HGSNAT: variants seen among roughly 807,000 people sequenced by gnomAD.
The protein encoded by HGSNAT is transmembrane protein 76.
Under a neutral mutation model 85.2 loss-of-function variants are expected in HGSNAT, and 59 were observed. That is an observed-to-expected ratio of 0.69 (90% confidence interval 0.56 to 0.86). The LOEUF (loss-of-function observed/expected upper bound fraction) is 0.86. Among genes scored for constraint, HGSNAT ranks in the 40% least tolerant of loss-of-function variants. The probability of loss-of-function intolerance (pLI) is 0.00; values close to 1 mark genes in which losing one functional copy is unlikely to be tolerated. For missense variants in HGSNAT, 756 were observed against 777.1 expected (o/e 0.97, Z 0.32); for synonymous variants, 321 against 304.5 (o/e 1.05, Z -0.56).
At chr8:43,152,702 C>A (rs1482381239) in intron 2 of HGSNAT, among the ~76,000 whole-genome samples, 2 of 152,156 alleles carry the variant, frequency 1.3e-5, no homozygotes, top group African/African-American at 4.8e-5. Flanking sequence ...AGTGATTCTC[C>A]TGCCTCGGCC....
rs1803532488 is a variant in HGSNAT, at chr8:43,169,165, A to G, written c.564-8A>G. The G allele has an allele frequency of 2.0e-6, 3 of 1,517,838 alleles. No individual in the cohort carries two copies. The East Asian group carries it at 7.0e-5, about 35-fold the overall frequency. The allele number at this position is 1,517,838 out of a possible 1,614,324, so 94.0% of individuals were successfully genotyped here. On this transcript the variant is annotated splice_polypyrimidine_tract_variant and splice_region_variant and intron_variant, in intron 5 of 17. Transcript: ENST00000379644. The stretch of plus-strand genomic sequence containing the variant: ...AATAAATTAATTGAGCCCTTTATTT[A>G]TTTTCAGTTTGGATGACTTTAACAA...
Position 43,197,581 on chromosome 8 carries a change from G to C in HGSNAT, c.1543-91G>C, listed in dbSNP as rs983134801. On this transcript the variant is annotated intron_variant, in intron 15 of 17. Transcript: ENST00000379644. The stretch of plus-strand genomic sequence containing the variant: ...GCACAAGTTTCAGCCCTCTCTACGT[G>C]ATTAAATAACTAATATATATTGGTG... The C allele has an allele frequency of 1.4e-4, 131 of 916,460 alleles. 1 individual carries two copies. The highest frequency in any genetic ancestry group is 2.1e-4 in the Non-Finnish European group (118 of 565,184). 56.8% of individuals were successfully genotyped at this position (916,460 alleles called of 1,614,324 possible). A position where few individuals can be genotyped will look rare whatever the true frequency, so the allele number is the denominator to read the frequency against.
At chr8:43,145,303 CA>C (rs941668587) in intron 1 of HGSNAT, among the ~76,000 whole-genome samples, 2 of 151,324 alleles carry the variant, frequency 1.3e-5, no homozygotes, top group African/African-American at 2.4e-5. Context: ...TCATGATGGC[CA>C]AAAAAAAGCA....
intron 1 of HGSNAT, among the ~76,000 whole-genome samples, chr8:43,142,126 T>A (rs919795132): frequency 2.0e-5 from 3 of 151,894 alleles, no homozygotes; most frequent in African/African-American, 7.3e-5. Flanking sequence ...CAAAGATAAC[T>A]CACGAGCAGA....
At chr8:43,197,614 C>A in intron 15 of HGSNAT, 58 bp from the exon 16 acceptor site, 1 of 1,285,278 alleles carries the variant, frequency 7.8e-7, no homozygotes, top group Non-Finnish European at 1.1e-6. Context: ...GTGTTGAAAC[C>A]AAGTGTTTTC....
chr8:43,200,916 C>T lies in HGSNAT; in HGVS notation c.*1347C>T, dbSNP rs572231458. On this transcript the variant is annotated 3_prime_UTR_variant, in exon 18 of 18. Transcript: ENST00000379644. Reference sequence around the variant, plus strand: ...GTACCTGCCTGCTGGACCCCTCCACCTGGAGGCCAGCCCATGTCTCAGGCC... The same window carrying T: ...GTACCTGCCTGCTGGACCCCTCCACTTGGAGGCCAGCCCATGTCTCAGGCC... The T allele has an allele frequency of 6.5e-6, 1 of 152,852 alleles. No individual in the cohort carries two copies. The highest frequency in any genetic ancestry group is 2.4e-5 in the African/African-American group (1 of 41,598). 9.5% of individuals were successfully genotyped at this position (152,852 alleles called of 1,614,324 possible).
chr8:43,170,501 C>A, intron 6 of HGSNAT, 84 bp from the exon 7 acceptor site: 1 of 1,218,456 alleles, frequency 8.2e-7, no homozygotes, highest in Non-Finnish European at 1.2e-6. Context: ...CAAAACAAAA[C>A]AAAACAAAGA....
intron 5 of HGSNAT, among the ~76,000 whole-genome samples, chr8:43,162,585 C>T (rs1006469193): frequency 6.6e-6 from 1 of 150,618 alleles, no homozygotes; most frequent in Non-Finnish European, 1.5e-5. Flanking sequence ...GAGTCTCACT[C>T]TTGTCATCCA....
Position 43,161,525 on chromosome 8 carries a change from G to A in HGSNAT, c.563+18G>A, listed in dbSNP as rs182995523. 40 of 1,584,050 alleles carry A rather than the reference G, an allele frequency of 2.5e-5. No individual in the cohort carries two copies. In the East Asian group the frequency reaches 7.9e-4, roughly 31 times the overall value. ...TTGTTGAGGTAAGATATTTGGGGAG[G>A]ACGCCACTGGAAAGGCAGAGTATAG... is the stretch of plus-strand genomic sequence containing the variant. On this transcript the variant is annotated intron_variant, in intron 5 of 17. Coordinates refer to ENST00000379644, the MANE Select transcript of HGSNAT (RefSeq NM_152419.3).
chr8:43,194,583 G>A lies in HGSNAT; in HGVS notation c.1464+740G>A, dbSNP rs560584021. The A allele has an allele frequency of 6.6e-5, 62 of 938,556 alleles. No individual in the cohort carries two copies. In the South Asian group the frequency reaches 2.5e-3, roughly 38 times the overall value. The allele number at this position is 938,556 out of a possible 1,614,324, so 58.1% of individuals were successfully genotyped here. Reference sequence around the variant, plus strand: ...GAACAGTAACACTGCAGGTTCATTTGTCTGGTGAGGGTCTGGGCTCTCCTC... The same window carrying A: ...GAACAGTAACACTGCAGGTTCATTTATCTGGTGAGGGTCTGGGCTCTCCTC... On this transcript the variant is annotated intron_variant, in intron 14 of 17. Coordinates refer to ENST00000379644, the MANE Select transcript of HGSNAT (RefSeq NM_152419.3).
At position 43,158,678 on chromosome 8, in the gene HGSNAT, T is replaced by C. The variant is rs765211666; in HGVS notation, c.338T>C (p.Leu113Pro). The change falls in exon 3 of 18, where the codon CTG becomes CCG. Residue 113 changes from leucine to proline, a missense_variant. Leu to Pro is a moderately conservative substitution (Grantham distance 98, BLOSUM62 -3). Transcript: ENST00000379644. Reference protein sequence around the residue: ...VSTQHGSILQLNDTLEEKEVC... With the variant: ...VSTQHGSILQPNDTLEEKEVC... ...ACCCAGCACGGATCTATCCTGCAGC[T>C]GAACGACACCTTGGAAGAGAAAGAA... 4 of 1,611,458 alleles carry C rather than the reference T, an allele frequency of 2.5e-6. No individual in the cohort carries two copies. The highest frequency in any genetic ancestry group is 3.4e-6 in the Non-Finnish European group (4 of 1,178,468).
chr8:43,186,085 T>G, intron 11 of HGSNAT, among the ~76,000 whole-genome samples: 1 of 152,210 alleles, frequency 6.6e-6, no homozygotes, highest in Non-Finnish European at 1.5e-5. Context: ...TCAGGGATAT[T>G]GGTCTAAAAT....
intron 11 of HGSNAT, among the ~76,000 whole-genome samples, chr8:43,187,401 CTTCT>C (rs1363081578): frequency 2.6e-5 from 4 of 152,100 alleles, no homozygotes; most frequent in African/African-American, 9.7e-5. Flanking sequence ...ATGTAATGGC[CTTCT>C]TTGTCTCTTT....
chr8:43,192,210 G>T, intron 12 of HGSNAT, 94 bp from the exon 13 acceptor site: 1 of 1,407,948 alleles, frequency 7.1e-7, no homozygotes. Flanking sequence ...TTACAGGCGT[G>T]AGCCACCGTG....
chr8:43,159,200 CATA>C (rs1803192133), intron 4 of HGSNAT, among the ~76,000 whole-genome samples, 156 bp downstream of exon 4: 1 of 152,154 alleles, frequency 6.6e-6, no homozygotes, highest in African/African-American at 2.4e-5. Context: ...AAAAAATCCA[CATA>C]AATTATAGGT....
intron 5 of HGSNAT, among the ~76,000 whole-genome samples, chr8:43,168,565 T>A (rs1803510233): frequency 6.6e-6 from 1 of 151,614 alleles, no homozygotes; most frequent in African/African-American, 2.4e-5. Flanking sequence ...TCTGGCTAAT[T>A]TTTGTATTTT....
intron 1 of HGSNAT, among the ~76,000 whole-genome samples, chr8:43,143,256 G>A (rs565181371): frequency 3.3e-5 from 5 of 152,214 alleles, no homozygotes; most frequent in African/African-American, 1.2e-4. Flanking sequence ...TGGAAAACAT[G>A]TTCAAACTTG....
At chr8:43,150,778 G>A (rs1802889308) in intron 2 of HGSNAT, among the ~76,000 whole-genome samples, 1 of 152,004 alleles carries the variant, frequency 6.6e-6, no homozygotes, top group Non-Finnish European at 1.5e-5. Flanking sequence ...AGCTTGCAAA[G>A]AGCCAAGATT....
chr8:43,156,352 C>T (rs1586709557), intron 2 of HGSNAT, among the ~76,000 whole-genome samples: 1 of 152,068 alleles, frequency 6.6e-6, no homozygotes, highest in East Asian at 1.9e-4. Context: ...TTCGCCCAGG[C>T]TGGAGAGAAG....
Sources: gnomAD v4.1 joint callset for allele counts (sites outside exome capture counted in the v4.1 genomes callset) on GRCh38, gnomAD v4.1.1 for gene constraint, MANE v1.5 for transcripts, NCBI Gene and HGNC (gene_info 2026-07-23, HGNC 2026-07-21) for gene names.